The following LRRC3 variants were observed in gnomAD, a reference collection of about 807,000 sequenced individuals.
LRRC3 encodes the protein leucine rich repeat containing 3.
For missense variants in LRRC3, 351 were observed against 361.6 expected, an observed-to-expected ratio of 0.97 and a Z score of 0.24; for synonymous variants, 172 against 164.1, an observed-to-expected ratio of 1.05 and a Z score of -0.37.
intron 1 of LRRC3, 96 bp from the exon 2 acceptor site, chr21:44,456,402 C>T (rs2051699919): frequency 1.8e-6 from 1 of 551,252 alleles, no homozygotes; most frequent in Admixed American, 3.4e-5. Context: ...CCCTCAACAC[C>T]CTCCCCACCA....
At position 44,457,030 on chromosome 21, in the gene LRRC3, C is replaced by T; in HGVS notation, c.386C>T (p.Pro129Leu). ...TCTTACAACCGCATCCAGAGGATCCCCAAGGACGCCCTGGGCAAACTCAGC... is the reference window on the plus strand; with the variant it reads ...TCTTACAACCGCATCCAGAGGATCCTCAAGGACGCCCTGGGCAAACTCAGC... Reference protein sequence around the residue: ...DLSYNRIQRIPKDALGKLSAK... With the variant: ...DLSYNRIQRILKDALGKLSAK... The change falls in exon 2 of 2, where the codon CCC (proline) becomes CTC (leucine). Residue 129 changes from proline (P) to leucine (L), a missense_variant. By Grantham distance (98) the Pro-to-Leu change is moderately conservative (BLOSUM62 -3). Coordinates refer to ENST00000291592, the MANE Select transcript of LRRC3 (RefSeq NM_030891.6). 3 of 1,605,806 alleles carry T rather than the reference C, an allele frequency of 1.9e-6. No individual in the cohort carries two copies. The highest frequency in any genetic ancestry group is 1.3e-5 in the African/African-American group (1 of 75,052).
In LRRC3 at chr21:44,457,455, C is replaced by T. The variant is rs2146450156; in HGVS notation, c.*37C>T. 7 of 1,538,972 alleles carry T rather than the reference C, an allele frequency of 4.5e-6. No homozygotes were observed. The highest frequency in any genetic ancestry group is 6.1e-6 in the Non-Finnish European group (7 of 1,141,188). On this transcript the variant is annotated 3_prime_UTR_variant, in exon 2 of 2. Coordinates refer to ENST00000291592, the MANE Select transcript of LRRC3 (RefSeq NM_030891.6). ...GCAGACCCCCGCCGGTGGCTGCTGT[C>T]ACTTTTGTAGTAGGTGGTGACTGAT... is the stretch of plus-strand genomic sequence containing the variant.
At position 44,460,030 on chromosome 21, in the gene LRRC3, C is replaced by T. The variant is rs2051733660; in HGVS notation, c.*2612C>T. On this transcript the variant is annotated 3_prime_UTR_variant, in exon 2 of 2. Transcript: ENST00000291592. ...CCCTCTAAGGAAGACCATAGAGACCCCAACACTGTGGGACCCCAAAGCTCC... is the reference window on the plus strand; with the variant it reads ...CCCTCTAAGGAAGACCATAGAGACCTCAACACTGTGGGACCCCAAAGCTCC... 6.6e-6 allele frequency: 1 copy of T among 152,324 alleles called. No individual in the cohort carries two copies. The highest frequency in any genetic ancestry group is 2.4e-5 in the African/African-American group (1 of 41,414). The allele number at this position is 152,324 out of a possible 1,614,324, so 9.4% of individuals were successfully genotyped here.
In LRRC3 at chr21:44,458,547, C is replaced by T. The variant is rs1195974230; in HGVS notation, c.*1129C>T. 1 of 167,062 alleles carries T rather than the reference C, an allele frequency of 6.0e-6. No individual in the cohort carries two copies. The highest frequency in any genetic ancestry group is 1.9e-4 in the East Asian group (1 of 5,208). 10.3% of individuals were successfully genotyped at this position (167,062 alleles called of 1,614,324 possible). A position where few individuals can be genotyped will look rare whatever the true frequency, so the allele number is the denominator to read the frequency against. On this transcript the variant is annotated 3_prime_UTR_variant, in exon 2 of 2. Coordinates refer to ENST00000291592, the MANE Select transcript of LRRC3 (RefSeq NM_030891.6). ...AGTACTGGGGATTGATGTTTCAAGG[C>T]CAATCAATGGGATGCTTCGTTTTCT...
Position 44,457,749 on chromosome 21 carries a change from G to T in LRRC3, c.*331G>T. On this transcript the variant is annotated 3_prime_UTR_variant, in exon 2 of 2. Coordinates refer to ENST00000291592, the MANE Select transcript of LRRC3 (RefSeq NM_030891.6). ...TCCCACACGGGGCCCTGCAGGCTGT[G>T]GATATGCACTCAGAGGACTAAGGGG... 2.7e-6 allele frequency: 1 copy of T among 372,972 alleles called. No individual in the cohort carries two copies. The allele number at this position is 372,972 out of a possible 1,614,324, so 23.1% of individuals were successfully genotyped here. A position where few individuals can be genotyped will look rare whatever the true frequency, so the allele number is the denominator to read the frequency against.
At position 44,459,755 on chromosome 21, in the gene LRRC3, A is replaced by G. The variant is rs1051767099; in HGVS notation, c.*2337A>G. 6.6e-6 allele frequency: 1 copy of G among 152,256 alleles called. No homozygotes were observed. The highest frequency in any genetic ancestry group is 1.5e-5 in the Non-Finnish European group (1 of 68,132). The allele number at this position is 152,256 out of a possible 1,614,324, so 9.4% of individuals were successfully genotyped here. A position where few individuals can be genotyped will look rare whatever the true frequency, so the allele number is the denominator to read the frequency against. ...AGACGTGGCCCTTCAGGAGGTGCAC[A>G]GGGCAGGGGCAGGCCCGTCCCTCCC... On this transcript the variant is annotated 3_prime_UTR_variant, in exon 2 of 2. Coordinates refer to ENST00000291592, the MANE Select transcript of LRRC3 (RefSeq NM_030891.6).
At position 44,461,733 on chromosome 21, in the gene LRRC3, G is replaced by T. The variant is rs1459466604; in HGVS notation, c.*4315G>T. The T allele has an allele frequency of 6.6e-6, 1 of 152,436 alleles. No homozygotes were observed. The highest frequency in any genetic ancestry group is 1.5e-5 in the Non-Finnish European group (1 of 68,092). The allele number at this position is 152,436 out of a possible 1,614,324, so 9.4% of individuals were successfully genotyped here. A position where few individuals can be genotyped will look rare whatever the true frequency, so the allele number is the denominator to read the frequency against. On this transcript the variant is annotated 3_prime_UTR_variant, in exon 2 of 2. Transcript: ENST00000291592. ...GGGTCTGGAGTGGGGCTGCCGTCTT[G>T]GGCAGCTCCTCCCGGGTGTCTGCAA... is the stretch of plus-strand genomic sequence containing the variant.
rs1343148415 is a variant in LRRC3, at chr21:44,458,585, ACT to A, written c.*1174_*1175del. Reference sequence around the variant, plus strand: ...TGCTTCGTTTTCTCCAGCAACAGGAACTCTCTCTTTTCACCTTTGCTGCCAGG... The same window carrying A: ...TGCTTCGTTTTCTCCAGCAACAGGAACTCTCTTTTCACCTTTGCTGCCAGG... On this transcript the variant is annotated 3_prime_UTR_variant, in exon 2 of 2. Transcript: ENST00000291592. 1.2e-5 allele frequency: 2 copies of A among 166,884 alleles called. No individual in the cohort carries two copies. Among genetic ancestry groups the A allele is most frequent in the Non-Finnish European group, 2.9e-5 (2 of 68,092 alleles). 10.3% of individuals were successfully genotyped at this position (166,884 alleles called of 1,614,324 possible).
At position 44,457,086 on chromosome 21, in the gene LRRC3, C is replaced by A. The variant is rs1261199990; in HGVS notation, c.442C>A (p.His148Asn). 6.2e-7 allele frequency: 1 copy of A among 1,610,292 alleles called. No homozygotes were observed. The highest frequency in any genetic ancestry group is 8.5e-7 in the Non-Finnish European group (1 of 1,179,946). The change falls in exon 2 of 2, where the codon CAC (histidine) becomes AAC (asparagine). Residue 148 changes from histidine (H) to asparagine (N), a missense_variant. Physicochemically the swap from His to Asn is moderately conservative, Grantham distance 68. Transcript: ENST00000291592. ...AKIRLSHNPL[H>N]CECALQEALW... ...GATACGCCTGTCCCACAACCCCCTG[C>A]ACTGCGAGTGCGCCCTGCAGGAGGC...
In LRRC3 at chr21:44,456,775, G is replaced by C. The variant is rs2051704407; in HGVS notation, c.131G>C (p.Gly44Ala). The C allele has an allele frequency of 6.2e-7, 1 of 1,610,952 alleles. No homozygotes were observed. The highest frequency in any genetic ancestry group is 8.5e-7 in the Non-Finnish European group (1 of 1,179,888). ...PQPCRCPDHA[G>A]AVAVFCSLRG... ...CCCTGCCGGTGCCCTGACCACGCAG[G>C]GGCTGTGGCTGTCTTCTGCAGCTTG... The change falls in exon 2 of 2, where the codon GGG (glycine) becomes GCG (alanine). Residue 44 changes from glycine (G) to alanine (A), a missense_variant. Coordinates refer to ENST00000291592, the MANE Select transcript of LRRC3 (RefSeq NM_030891.6).
Position 44,457,205 on chromosome 21 carries a change from G to C in LRRC3, c.561G>C (p.Gln187His). Residue 187 changes from glutamine (Q) to histidine (H), a missense_variant, in exon 2 of 2, where the codon CAG (glutamine) becomes CAC (histidine). By Grantham distance (24) the Gln-to-His change is conservative. Transcript: ENST00000291592. ...QEEFVGKPLV[Q>H]ALDAGASLCS... ...AGTTTGTGGGGAAGCCTCTGGTTCA[G>C]GCTCTGGATGCGGGTGCCAGCCTCT... The C allele has an allele frequency of 6.2e-7, 1 of 1,613,996 alleles. No homozygotes were observed. Among genetic ancestry groups the C allele is most frequent in the East Asian group, 2.2e-5 (1 of 44,888 alleles).
rs902417968 is a variant in LRRC3 at position 44,460,264 on chromosome 21, C to G, written c.*2846C>G. The G allele has an allele frequency of 6.6e-6, 1 of 152,280 alleles. No individual in the cohort carries two copies. The highest frequency in any genetic ancestry group is 1.5e-5 in the Non-Finnish European group (1 of 68,092). 9.4% of individuals were successfully genotyped at this position (152,280 alleles called of 1,614,324 possible). A position where few individuals can be genotyped will look rare whatever the true frequency, so the allele number is the denominator to read the frequency against. On this transcript the variant is annotated 3_prime_UTR_variant, in exon 2 of 2. Transcript: ENST00000291592. The stretch of plus-strand genomic sequence containing the variant: ...TGGACACTTGCGGAAGGAGGGGTGG[C>G]GGAGCACCCCTGAGATGACATCGCT...
At position 44,457,350 on chromosome 21, in the gene LRRC3, C is replaced by T. The variant is rs2051714248; in HGVS notation, c.706C>T (p.His236Tyr). The change falls in exon 2 of 2, where the codon CAC becomes TAC. Residue 236 changes from histidine to tyrosine, a missense_variant. Physicochemically the swap from His to Tyr is moderately conservative, Grantham distance 83. Transcript: ENST00000291592. ...CCACAACCAGGAGGATGCCCGGAGG[C>T]ACCTGGAGTACCTGAAGTCTCTGCC... The part of the protein sequence containing the change: ...VRHNQEDARR[H>Y]LEYLKSLPSA... The T allele has an allele frequency of 3.1e-6, 5 of 1,611,564 alleles. No homozygotes were observed. The highest frequency in any genetic ancestry group is 4.2e-6 in the Non-Finnish European group (5 of 1,178,524).
Position 44,457,437 on chromosome 21 carries a change from CCCG to C in LRRC3, c.*23_*25del. Reference sequence around the variant, plus strand: ...GCCCTAGCGCCTGTTCCGGCAGACCCCCGCCGGTGGCTGCTGTCACTTTTGTAG... The same window carrying C: ...GCCCTAGCGCCTGTTCCGGCAGACCCCCGGTGGCTGCTGTCACTTTTGTAG... On this transcript the variant is annotated 3_prime_UTR_variant, in exon 2 of 2. Transcript: ENST00000291592. 6.5e-7 allele frequency: 1 copy of C among 1,547,250 alleles called. No individual in the cohort carries two copies. Among genetic ancestry groups the C allele is most frequent in the Non-Finnish European group, 8.7e-7 (1 of 1,144,814 alleles).
In LRRC3 at chr21:44,461,447, G is replaced by A. The variant is rs1369768280; in HGVS notation, c.*4029G>A. On this transcript the variant is annotated 3_prime_UTR_variant, in exon 2 of 2. Coordinates refer to ENST00000291592, the MANE Select transcript of LRRC3 (RefSeq NM_030891.6). The stretch of plus-strand genomic sequence containing the variant: ...GAACCGGGGACCACCTCCCGCCACA[G>A]AGCCTGGGGCCCCCAGCCTTGCCTA... 5.2e-5 allele frequency: 8 copies of A among 152,440 alleles called. No individual in the cohort carries two copies. The highest frequency in any genetic ancestry group is 1.9e-4 in the African/African-American group (8 of 41,460). 9.4% of individuals were successfully genotyped at this position (152,440 alleles called of 1,614,324 possible). A position where few individuals can be genotyped will look rare whatever the true frequency, so the allele number is the denominator to read the frequency against.
chr21:44,458,590 C>T lies in LRRC3; in HGVS notation c.*1172C>T, dbSNP rs913362973. 1 of 167,154 alleles carries T rather than the reference C, an allele frequency of 6.0e-6. No individual in the cohort carries two copies. The highest frequency in any genetic ancestry group is 1.5e-5 in the Non-Finnish European group (1 of 68,134). 10.4% of individuals were successfully genotyped at this position (167,154 alleles called of 1,614,324 possible). ...CGTTTTCTCCAGCAACAGGAACTCT[C>T]TCTTTTCACCTTTGCTGCCAGGAAT... On this transcript the variant is annotated 3_prime_UTR_variant, in exon 2 of 2. Coordinates refer to ENST00000291592, the MANE Select transcript of LRRC3 (RefSeq NM_030891.6).
Position 44,455,545 on chromosome 21 carries a change from C to G in LRRC3, c.-258C>G, listed in dbSNP as rs1221231518. The G allele has an allele frequency of 6.6e-6, 1 of 151,636 alleles. No homozygotes were observed. Among genetic ancestry groups the G allele is most frequent in the Non-Finnish European group, 1.5e-5 (1 of 67,832 alleles). 9.4% of individuals were successfully genotyped at this position (151,636 alleles called of 1,614,324 possible). On this transcript the variant is annotated 5_prime_UTR_variant, in exon 1 of 2. Transcript: ENST00000291592. ...CCTCCCCAGCTAGTGGTCGCGGGCG[C>G]GGTCGCAGGGGCAGCGGGGTGGCCG...
chr21:44,456,082 C>T (rs935493447), intron 1 of LRRC3, among the ~76,000 whole-genome samples: 2 of 152,182 alleles, frequency 1.3e-5, no homozygotes, highest in Non-Finnish European at 2.9e-5. Context: ...ACGTGCCCAG[C>T]TTGACCCGCG....
rs1350049438 is a variant in LRRC3 at position 44,455,669 on chromosome 21, C to T, written c.-148+14C>T. 2 of 151,870 alleles carry T rather than the reference C, an allele frequency of 1.3e-5. No individual in the cohort carries two copies. The highest frequency in any genetic ancestry group is 2.9e-5 in the Non-Finnish European group (2 of 67,970). 9.4% of individuals were successfully genotyped at this position (151,870 alleles called of 1,614,324 possible). On this transcript the variant is annotated intron_variant, in intron 1 of 1. Coordinates refer to ENST00000291592, the MANE Select transcript of LRRC3 (RefSeq NM_030891.6). ...GCCGCCGCGCAGGTAAAGCCCCCGC[C>T]CAGCCCTGGGAGCGTGGATTCCCAC... is the stretch of plus-strand genomic sequence containing the variant.
Sources: gnomAD v4.1 joint callset for allele counts (sites outside exome capture counted in the v4.1 genomes callset) on GRCh38, gnomAD v4.1.1 for gene constraint, MANE v1.5 for transcripts, NCBI Gene and HGNC (gene_info 2026-07-23, HGNC 2026-07-21) for gene names.